Variants in TESK2 observed in about 807,000 individuals in gnomAD.
TESK2 encodes the protein dual specificity testis-specific protein kinase 2.
Under a neutral mutation model 57.1 loss-of-function variants are expected in TESK2, and 39 were observed. That is an observed-to-expected ratio of 0.68 (90% CI 0.53 to 0.89). The LOEUF (loss-of-function observed/expected upper bound fraction) is 0.89. TESK2 is among the 40% of genes least tolerant of loss of function. The probability of loss-of-function intolerance (pLI) is 0.00; values close to 1 mark genes in which losing one functional copy is unlikely to be tolerated. For missense variants in TESK2, 646 were observed against 732.1 expected, an observed-to-expected ratio of 0.88 and a Z score of 1.36; for synonymous variants, 249 against 267.9, an observed-to-expected ratio of 0.93 and a Z score of 0.69.
intron 9 of TESK2, among the ~76,000 whole-genome samples, chr1:45,346,352 A>G (rs765077008): frequency 9.9e-5 from 15 of 152,236 alleles, no homozygotes; most frequent in Non-Finnish European, 1.8e-4. Context: ...AGCTACATAC[A>G]TGAAGGCCAA....
rs774511102 is a variant in TESK2, at chr1:45,346,965, T to C, written c.792+14A>G. On this transcript the variant is annotated intron_variant, in intron 8 of 10. Transcript: ENST00000372086. ...GCCCCATCAGTGGCAATGATCCCCA[T>C]GCTTGCAGCTCACCTCTGTGCGGGG... 3 of 1,613,900 alleles carry C rather than the reference T, an allele frequency of 1.9e-6. No homozygotes were observed. The highest frequency in any genetic ancestry group is 3.3e-5 in the Admixed American group (2 of 60,028).
chr1:45,412,613 A>G (rs1031978338), intron 3 of TESK2, among the ~76,000 whole-genome samples: 3 of 152,216 alleles, frequency 2.0e-5, no homozygotes, highest in African/African-American at 7.2e-5. Context: ...GAGTAGTTCC[A>G]AGCAAATATT....
intron 4 of TESK2, among the ~76,000 whole-genome samples, chr1:45,382,081 A>C (rs1648682622): frequency 6.6e-6 from 1 of 151,900 alleles, no homozygotes; most frequent in Non-Finnish European, 1.5e-5. Flanking sequence ...TATGTTGCCA[A>C]GGCTGGTTTC....
intron 4 of TESK2, among the ~76,000 whole-genome samples, chr1:45,357,063 G>A (rs1050894064): frequency 2.0e-5 from 3 of 151,986 alleles, no homozygotes; most frequent in Admixed American, 6.6e-5. Context: ...GAGCATGGTA[G>A]CAGGCGTCTG....
chr1:45,346,900 G>A (rs751099358), intron 8 of TESK2, 79 bp downstream of exon 8: 7 of 1,562,982 alleles, frequency 4.5e-6, no homozygotes, highest in Non-Finnish European at 6.2e-6. Context: ...GTTCCAGCAA[G>A]TCCATCCCAG....
chr1:45,432,463 G>A (rs1471086858), intron 2 of TESK2, among the ~76,000 whole-genome samples: 8 of 151,572 alleles, frequency 5.3e-5, no homozygotes, highest in South Asian at 2.1e-4. Context: ...AGGCCGAGGC[G>A]GGCAGATCAC....
intron 4 of TESK2, among the ~76,000 whole-genome samples, chr1:45,375,506 A>G (rs1366332632): frequency 6.8e-6 from 1 of 147,532 alleles, no homozygotes; most frequent in Admixed American, 6.9e-5. Context: ...CCCTGTCTAC[A>G]TGTTGAAAAT....
intron 5 of TESK2, among the ~76,000 whole-genome samples, chr1:45,352,768 C>A (rs1158149520): frequency 1.3e-5 from 2 of 151,994 alleles, no homozygotes; most frequent in Non-Finnish European, 2.9e-5. Context: ...ATCTGTGTAA[C>A]TGATACATAT....
chr1:45,402,143 A>G lies in TESK2; in HGVS notation c.345-16183T>C, dbSNP rs148309329. Among the ~76,000 whole-genome samples the G allele has an allele frequency of 2.1e-3, 312 of 151,608 alleles. 3 individuals carry two copies. Among genetic ancestry groups the G allele is most frequent in the African/African-American group, 7.3e-3 (301 of 41,436 alleles). ...AGTGACTCACACCTGTAATCCCAGC[A>G]CTTTGGGAGATCAAGGTGGGAGGAC... On this transcript the variant is annotated intron_variant, in intron 3 of 10. Coordinates refer to ENST00000372086, the MANE Select transcript of TESK2 (RefSeq NM_007170.3).
chr1:45,346,952 G>A (rs748575029), intron 8 of TESK2, 27 bp downstream of exon 8: 2 of 1,610,730 alleles, frequency 1.2e-6, no homozygotes, highest in Admixed American at 1.7e-5. Flanking sequence ...CCCATCAGTG[G>A]CAATGATCCC....
intron 4 of TESK2, among the ~76,000 whole-genome samples, chr1:45,374,130 G>A (rs373111816): frequency 2.0e-5 from 3 of 152,304 alleles, no homozygotes; most frequent in Non-Finnish European, 4.4e-5. Context: ...TACCAATGCT[G>A]TAAAAAGATT....
At chr1:45,381,860 CT>C (rs748886310) in intron 4 of TESK2, among the ~76,000 whole-genome samples, 3,792 of 91,866 alleles carry the variant, frequency 0.041, 100 homozygotes, top group African/African-American at 0.11. Context: ...CATTCCTATT[CT>C]TTTTTTTTTT....
intron 2 of TESK2, among the ~76,000 whole-genome samples, chr1:45,424,709 T>C (rs532503565): frequency 9.2e-5 from 14 of 152,288 alleles, no homozygotes; most frequent in Admixed American, 2.0e-4. Flanking sequence ...CATGAAAAGA[T>C]CATTCATCCT....
At chr1:45,466,494 C>A (rs975366220) in intron 1 of TESK2, among the ~76,000 whole-genome samples, 2 of 151,000 alleles carry the variant, frequency 1.3e-5, no homozygotes, top group Non-Finnish European at 3.0e-5. Context: ...AAAACAAAAA[C>A]AAAAATTACC....
intron 2 of TESK2, among the ~76,000 whole-genome samples, chr1:45,451,714 G>A (rs903663940): frequency 3.3e-5 from 5 of 152,068 alleles, no homozygotes; most frequent in South Asian, 2.1e-4. Context: ...TTTGAAGCAC[G>A]AACCTTTGTT....
At chr1:45,405,000 TAAC>T (rs1175307035) in intron 3 of TESK2, among the ~76,000 whole-genome samples, 1 of 152,126 alleles carries the variant, frequency 6.6e-6, no homozygotes, top group Non-Finnish European at 1.5e-5. Context: ...ACAGTAGTAA[TAAC>T]AATAATAAAA....
At chr1:45,463,120 T>C (rs1452427681) in intron 1 of TESK2, among the ~76,000 whole-genome samples, 1 of 152,216 alleles carries the variant, frequency 6.6e-6, no homozygotes, top group Non-Finnish European at 1.5e-5. Context: ...ACTCCTTATA[T>C]TTTCTGGTTA....
intron 1 of TESK2, among the ~76,000 whole-genome samples, chr1:45,477,153 A>G (rs1653032017): frequency 6.6e-6 from 1 of 151,530 alleles, no homozygotes; most frequent in Non-Finnish European, 1.5e-5. Context: ...GAATTGCTTG[A>G]ACCCAGAAGG....
chr1:45,455,462 A>C (rs1374788270), intron 2 of TESK2, among the ~76,000 whole-genome samples: 1 of 152,138 alleles, frequency 6.6e-6, no homozygotes. Flanking sequence ...CTTACGGGAG[A>C]TGAATTTGAG....
Sources: allele counts gnomAD v4.1 joint callset (sites outside exome capture counted in the v4.1 genomes callset), GRCh38; gene constraint gnomAD v4.1.1; transcripts MANE v1.5; gene names NCBI Gene and HGNC (gene_info 2026-07-23, HGNC 2026-07-21).